The following PTPN22 variants were observed in gnomAD, a reference collection of about 807,000 sequenced individuals.
PTPN22 encodes protein tyrosine phosphatase non-receptor type 22, also known as tyrosine-protein phosphatase non-receptor type 22.
A neutral mutation model predicts 103.3 loss-of-function variants in PTPN22; 85 were observed. That is an observed-to-expected ratio of 0.82 (90% CI 0.69 to 0.99). PTPN22 has a LOEUF of 0.99. PTPN22 is among the 50% of genes least tolerant of loss of function. The pLI is 0.00. For missense variants in PTPN22, 865 were observed against 936.9 expected (o/e 0.92, Z 1.00); for synonymous variants, 323 against 310.2 (o/e 1.04, Z -0.43).
intron 11 of PTPN22, 42 bp downstream of exon 11, chr1:113,848,498 G>A: frequency 3.1e-6 from 5 of 1,607,608 alleles, no homozygotes; most frequent in Non-Finnish European, 4.2e-6. Flanking sequence ...CCAAAAGCAA[G>A]TATGAAAATT....
chr1:113,844,710 T>C (rs562998921), intron 11 of PTPN22, among the ~76,000 whole-genome samples: 4 of 152,364 alleles, frequency 2.6e-5, no homozygotes, highest in Non-Finnish European at 5.9e-5. Flanking sequence ...TTATTTCCTT[T>C]GAGACTTTCT....
At chr1:113,838,446 C>A in intron 12 of PTPN22, 39 bp from the exon 13 acceptor site, 1 of 1,584,696 alleles carries the variant, frequency 6.3e-7, no homozygotes, top group South Asian at 1.2e-5. Context: ...CACCATACCC[C>A]AAACAGGCCG....
rs1425167429 is a variant in PTPN22 at position 113,814,926 on chromosome 1, TG to T, written c.2402del (p.Pro801HisfsTer14). ...TTTATTAAATATTCCAAGTTGGTGG[TG>T]GATTCCTTGGTCCTTTGGGTTTTGA... On this transcript the variant is annotated frameshift_variant, in exon 21 of 21. Transcript: ENST00000359785. LOFTEE classifies it high-confidence loss of function. The T allele has an allele frequency of 6.2e-6, 10 of 1,609,384 alleles. No individual in the cohort carries two copies. Among genetic ancestry groups the T allele is most frequent in the Non-Finnish European group, 8.5e-6 (10 of 1,177,168 alleles).
intron 19 of PTPN22, among the ~76,000 whole-genome samples, chr1:113,822,362 C>T (rs1198991728): frequency 2.0e-5 from 3 of 152,152 alleles, no homozygotes; most frequent in African/African-American, 7.2e-5. Flanking sequence ...GGAAACAGAG[C>T]ATGTAACATC....
At chr1:113,828,470 A>C (rs2101914850) in intron 18 of PTPN22, among the ~76,000 whole-genome samples, 1 of 152,128 alleles carries the variant, frequency 6.6e-6, no homozygotes, top group African/African-American at 2.4e-5. Context: ...GCTTTTTTTC[A>C]GGTGGTTATT....
chr1:113,838,490 A>G (rs1163736917), intron 12 of PTPN22, 54 bp downstream of exon 12: 2 of 1,603,392 alleles, frequency 1.2e-6, no homozygotes, highest in Non-Finnish European at 1.7e-6. Context: ...TAAGCATGAG[A>G]TTCATCTCCC....
chr1:113,865,596 A>G (rs1448636222), intron 1 of PTPN22, among the ~76,000 whole-genome samples: 1 of 152,228 alleles, frequency 6.6e-6, no homozygotes, highest in Non-Finnish European at 1.5e-5. Context: ...TGATAAATTC[A>G]TATATTGCAA....
At chr1:113,819,148 A>G (rs79938023) in intron 20 of PTPN22, among the ~76,000 whole-genome samples, 5,714 of 152,308 alleles carry the variant, frequency 0.038, 154 homozygotes, top group Non-Finnish European at 0.058. Context: ...CAATTGGGTA[A>G]GCAAACCTTA....
At chr1:113,863,924 TA>T (rs371374736) in intron 1 of PTPN22, among the ~76,000 whole-genome samples, 36,647 of 110,290 alleles carry the variant, frequency 0.33, 5,112 homozygotes, top group South Asian at 0.46. Flanking sequence ...TATATATATA[TA>T]TATTTTTTTT....
intron 19 of PTPN22, chr1:113,823,303 A>T (rs761744504): frequency 2.0e-5 from 3 of 152,222 alleles, no homozygotes; most frequent in Non-Finnish European, 4.4e-5. Flanking sequence ...ACAGAAGAAG[A>T]ATCCTAATTT....
At chr1:113,858,604 C>A in intron 3 of PTPN22, 31 bp from the exon 4 acceptor site, 2 of 1,307,060 alleles carry the variant, frequency 1.5e-6, no homozygotes, top group Non-Finnish European at 2.1e-6. Flanking sequence ...CACGGGGTGA[C>A]TACAAATAAT....
intron 20 of PTPN22, 94 bp downstream of exon 20, chr1:113,819,483 G>T (rs1285192013): frequency 1.1e-6 from 1 of 899,774 alleles, no homozygotes; most frequent in Non-Finnish European, 1.7e-6. Flanking sequence ...ACCTATACAT[G>T]CAACCTAAAA....
exon 9 of PTPN22, chr1:113,854,524 T>G (rs1185914733): frequency 1.2e-6 from 2 of 1,613,716 alleles, no homozygotes; most frequent in East Asian, 4.5e-5. Flanking sequence ...ACACCAGTCC[T>G]TCCACAGCCA....
intron 19 of PTPN22, among the ~76,000 whole-genome samples, chr1:113,824,124 C>T (rs79684724): frequency 0.16 from 23,368 of 144,768 alleles, 2,078 homozygotes; most frequent in East Asian, 0.23. Flanking sequence ...TTTTTTGAGA[C>T]GGAGTCTCGC....
intron 8 of PTPN22, 118 bp from the exon 9 acceptor site, chr1:113,854,655 A>C (rs186556859): frequency 9.0e-7 from 1 of 1,113,592 alleles, no homozygotes; most frequent in East Asian, 2.5e-5. Flanking sequence ...GGGACAATTA[A>C]ACTTTCCAAA....
chr1:113,834,408 T>C (rs758478626), exon 15 of PTPN22: 20 of 1,613,446 alleles, frequency 1.2e-5, no homozygotes, highest in Non-Finnish European at 1.7e-5. Context: ...CAGCTGAGGA[T>C]AAGGATTTGG....
chr1:113,815,154 C>G (rs558482858), intron 20 of PTPN22, among the ~76,000 whole-genome samples, 185 bp from the exon 21 acceptor site: 3 of 151,886 alleles, frequency 2.0e-5, no homozygotes, highest in African/African-American at 7.3e-5. Flanking sequence ...TAAATGATAA[C>G]AGAATACTAA....
At chr1:113,830,126 A>G (rs1041564017) in intron 16 of PTPN22, 97 bp from the exon 17 acceptor site, 12 of 851,792 alleles carry the variant, frequency 1.4e-5, no homozygotes, top group Admixed American at 3.1e-5. Flanking sequence ...TAATCAATCA[A>G]TCTTAGCCGA....
At chr1:113,820,540 T>C (rs1285709222) in intron 19 of PTPN22, among the ~76,000 whole-genome samples, 4 of 152,184 alleles carry the variant, frequency 2.6e-5, no homozygotes, top group South Asian at 2.1e-4. Context: ...TTTGCTATTT[T>C]AGTTACTTAT....
Sources: gnomAD v4.1 joint callset for allele counts (sites outside exome capture counted in the v4.1 genomes callset) on GRCh38, gnomAD v4.1.1 for gene constraint, MANE v1.5 for transcripts, NCBI Gene and HGNC (gene_info 2026-07-23, HGNC 2026-07-21) for gene names.